The following GTF3C3 variants were observed in gnomAD, a reference collection of about 807,000 sequenced individuals.
The protein encoded by GTF3C3 is general transcription factor IIIC subunit 3, also known as general transcription factor 3C polypeptide 3.
In GTF3C3, 75 loss-of-function variants were observed where a neutral mutation model predicts 105.2. That is an observed-to-expected ratio of 0.71 (90% CI 0.59 to 0.86). The LOEUF is 0.86. Ranked by LOEUF, GTF3C3 falls within the 40% of genes least tolerant of loss-of-function variation. GTF3C3 has a pLI of 0.00. For missense variants in GTF3C3, 856 were observed against 1,076.5 expected (o/e 0.80, Z 2.87); for synonymous variants, 335 against 370.4 (o/e 0.90, Z 1.10).
chr2:196,798,478 C>A (rs1699686423), intron 1 of GTF3C3, among the ~76,000 whole-genome samples: 1 of 151,894 alleles, frequency 6.6e-6, no homozygotes, highest in Non-Finnish European at 1.5e-5. Flanking sequence ...GAGCTGAGAT[C>A]GCGTCACTGC....
chr2:196,787,177 G>A (rs902635927), intron 6 of GTF3C3, among the ~76,000 whole-genome samples: 10 of 151,280 alleles, frequency 6.6e-5, no homozygotes, highest in Non-Finnish European at 4.4e-5. Flanking sequence ...TGATTACTTC[G>A]TACCAGTTCC....
At chr2:196,781,467 G>T (rs1363853659) in intron 8 of GTF3C3, among the ~76,000 whole-genome samples, 1 of 146,602 alleles carries the variant, frequency 6.8e-6, no homozygotes, top group Non-Finnish European at 1.5e-5. Flanking sequence ...TATTAGGTTG[G>T]TGCAGAAGTA....
In GTF3C3 at chr2:196,763,247, T is replaced by C. The variant is rs539829187; in HGVS notation, c.*1316A>G. 7.9e-5 allele frequency: 12 copies of C among 152,280 alleles called. No individual in the cohort carries two copies. Among genetic ancestry groups the C allele is most frequent in the African/African-American group, 2.6e-4 (11 of 41,552 alleles). The allele number at this position is 152,280 out of a possible 1,614,324, so 9.4% of individuals were successfully genotyped here. A position where few individuals can be genotyped will look rare whatever the true frequency, so the allele number is the denominator to read the frequency against. On this transcript the variant is annotated 3_prime_UTR_variant, in exon 18 of 18. Transcript: ENST00000263956. ...TATACAATATCAGCTGGTTTTTTTT[T>C]CCCTTAGGGAGACTTATTTCCTCCA... is the stretch of plus-strand genomic sequence containing the variant.
chr2:196,796,624 C>T (rs1185295181), intron 2 of GTF3C3, among the ~76,000 whole-genome samples: 1 of 152,152 alleles, frequency 6.6e-6, no homozygotes, highest in Non-Finnish European at 1.5e-5. Flanking sequence ...ATATTAAGCC[C>T]AGCATCTATC....
chr2:196,799,580 T>C lies in GTF3C3; in HGVS notation c.32A>G (p.Tyr11Cys), dbSNP rs762775084. MSGFSPELID[Y>C]LEGKISFEEF... ...CTCAAAGGAGATTTTCCCTTCCAAG[T>C]AGTCGATGAGTTCCGGACTGAACCC... is the stretch of plus-strand genomic sequence containing the variant. Residue 11 changes from tyrosine (Y) to cysteine (C), a missense_variant, in exon 1 of 18, where the codon TAC becomes TGC. By Grantham distance (194) the Tyr-to-Cys change is radical. Coordinates refer to ENST00000263956, the MANE Select transcript of GTF3C3 (RefSeq NM_012086.5). The C allele has an allele frequency of 3.1e-6, 5 of 1,614,052 alleles. No homozygotes were observed. The highest frequency in any genetic ancestry group is 2.2e-5 in the East Asian group (1 of 44,880).
Position 196,789,457 on chromosome 2 carries a change from C to CAAACT in GTF3C3, c.728-93_728-89dup, listed in dbSNP as rs545037741. The CAAACT allele has an allele frequency of 2.5e-4, 197 of 795,798 alleles. 1 individual carries two copies. The East Asian group carries it at 4.8e-3, about 19-fold the overall frequency. The allele number at this position is 795,798 out of a possible 1,614,324, so 49.3% of individuals were successfully genotyped here. ...CCATCATCTCAGAAAATTTAATAAG[C>CAAACT]AAACTAATCCATCAAATGGAACCAA... On this transcript the variant is annotated intron_variant, in intron 5 of 17. Transcript: ENST00000263956.
At chr2:196,785,615 A>C (rs746949244) in intron 6 of GTF3C3, 27 bp from the exon 7 acceptor site, 6 of 1,417,444 alleles carry the variant, frequency 4.2e-6, no homozygotes, top group Non-Finnish European at 6.0e-6. Context: ...AAATGGATGA[A>C]TATTTACTTA....
chr2:196,793,202 TCA>T (rs904127127), intron 2 of GTF3C3, 50 bp from the exon 3 acceptor site: 3 of 1,301,290 alleles, frequency 2.3e-6, no homozygotes, highest in African/African-American at 1.5e-5. Flanking sequence ...TGCAGAATTC[TCA>T]GTGAAAAACA....
In GTF3C3 at chr2:196,775,944, G is replaced by A. The variant is rs988507781; in HGVS notation, c.1695+66C>T. ...ACAATTATAAAGTAGTATAATCTAT[G>A]TTTAAATGAAATACTAAACATTTAA... On this transcript the variant is annotated intron_variant, in intron 12 of 17. Coordinates refer to ENST00000263956, the MANE Select transcript of GTF3C3 (RefSeq NM_012086.5). The A allele has an allele frequency of 5.7e-6, 4 of 702,134 alleles. No homozygotes were observed. In the Admixed American group the frequency reaches 8.1e-5, roughly 14 times the overall value. The allele number at this position is 702,134 out of a possible 1,614,324, so 43.5% of individuals were successfully genotyped here. A position where few individuals can be genotyped will look rare whatever the true frequency, so the allele number is the denominator to read the frequency against.
At chr2:196,782,239 A>G (rs1699378880) in intron 8 of GTF3C3, among the ~76,000 whole-genome samples, 1 of 152,178 alleles carries the variant, frequency 6.6e-6, no homozygotes, top group Non-Finnish European at 1.5e-5. Flanking sequence ...CATCTATGAG[A>G]AAAGGGCCCT....
At position 196,790,046 on chromosome 2, in the gene GTF3C3, G is replaced by T; in HGVS notation, c.560C>A (p.Ser187Tyr). 1 of 1,607,700 alleles carries T rather than the reference G, an allele frequency of 6.2e-7. No individual in the cohort carries two copies. The highest frequency in any genetic ancestry group is 1.1e-5 in the South Asian group (1 of 89,518). The change falls in exon 5 of 18, where the codon TCT becomes TAT. Residue 187 changes from serine (S) to tyrosine (Y), a missense_variant. This residue lies in a region of GTF3C3 where 605 missense variants were observed against 833.6 expected (regional missense o/e 0.73). Coordinates refer to ENST00000263956, the MANE Select transcript of GTF3C3 (RefSeq NM_012086.5). Reference sequence around the variant, plus strand: ...GTCCTCATATATCATGGCTAGAGTAGAGAATGGCTCATAAGCCAGAGGAGC... The same window carrying T: ...GTCCTCATATATCATGGCTAGAGTATAGAATGGCTCATAAGCCAGAGGAGC... ...RQAPLAYEPF[S>Y]TLAMIYEDQG...
intron 9 of GTF3C3, 103 bp downstream of exon 9, chr2:196,780,456 A>G (rs721491): frequency 0.018 from 24,566 of 1,389,140 alleles, 289 homozygotes; most frequent in Admixed American, 0.042. Context: ...TTGGTTATTA[A>G]GAAATGTGAA....
At chr2:196,764,832 T>C in intron 17 of GTF3C3, 147 bp from the exon 18 acceptor site, 1 of 565,994 alleles carries the variant, frequency 1.8e-6, no homozygotes, top group Non-Finnish European at 3.1e-6. Context: ...AAACTATGCA[T>C]ATACCTTGGA....
chr2:196,799,326 A>C, intron 1 of GTF3C3, 184 bp downstream of exon 1: 1 of 522,550 alleles, frequency 1.9e-6, no homozygotes, highest in Non-Finnish European at 3.4e-6. Flanking sequence ...CGGTGGGGGA[A>C]AACGTTTTAA....
chr2:196,790,109 G>A (rs1270618011), intron 4 of GTF3C3, 39 bp from the exon 5 acceptor site: 4 of 1,395,476 alleles, frequency 2.9e-6, no homozygotes, highest in South Asian at 2.7e-5. Context: ...TTGGCTGAGA[G>A]AAGAGGCTTG....
chr2:196,769,258 C>T (rs1448561738), intron 16 of GTF3C3, among the ~76,000 whole-genome samples: 2 of 152,152 alleles, frequency 1.3e-5, no homozygotes, highest in Non-Finnish European at 2.9e-5. Context: ...CTAGACCCTG[C>T]AACTCCATTC....
rs114962775 is a variant in GTF3C3 at position 196,796,053 on chromosome 2, G to A, written c.214+1744C>T. On this transcript the variant is annotated intron_variant, in intron 2 of 17. Transcript: ENST00000263956. The stretch of plus-strand genomic sequence containing the variant: ...ACGGTGTGAACAGCAAGAATTTAGT[G>A]GTGTATTTAGTACTGTCCAGAGGAA... Among the ~76,000 whole-genome samples, 913 of 152,250 alleles carry A rather than the reference G, an allele frequency of 6.0e-3. 4 individuals are homozygous for A. The highest frequency in any genetic ancestry group is 0.021 in the African/African-American group (862 of 41,530).
At position 196,799,664 on chromosome 2, in the gene GTF3C3, A is replaced by G. The variant is rs905657340; in HGVS notation, c.-53T>C. ...AGGAACCGGGACAGAGAACCGGAAG[A>G]GCAGCGCCTTCCAGAAGCTACCTCG... On this transcript the variant is annotated 5_prime_UTR_variant, in exon 1 of 18. Transcript: ENST00000263956. 1 of 1,316,794 alleles carries G rather than the reference A, an allele frequency of 7.6e-7. No individual in the cohort carries two copies. The highest frequency in any genetic ancestry group is 1.1e-6 in the Non-Finnish European group (1 of 912,350). 81.6% of individuals were successfully genotyped at this position (1,316,794 alleles called of 1,614,324 possible).
chr2:196,779,607 A>G (rs1699312606), intron 9 of GTF3C3, among the ~76,000 whole-genome samples: 1 of 152,194 alleles, frequency 6.6e-6, no homozygotes, highest in Non-Finnish European at 1.5e-5. Context: ...TCTTCGTCTA[A>G]CCAGCACAAC....
Sources: gnomAD v4.1 joint callset for allele counts (sites outside exome capture counted in the v4.1 genomes callset) on GRCh38, gnomAD v4.1.1 for gene constraint, gnomAD v4.1.1 regional missense constraint, MANE v1.5 for transcripts, NCBI Gene and HGNC (gene_info 2026-07-23, HGNC 2026-07-21) for gene names.